Variants in SUSD1 observed in about 807,000 individuals in gnomAD.
The protein encoded by SUSD1 is sushi domain containing 1.
A neutral mutation model predicts 86.9 loss-of-function variants in SUSD1; 65 were observed. The observed-to-expected ratio is 0.75, with a 90% CI of 0.61 to 0.92. The LOEUF (loss-of-function observed/expected upper bound fraction) is 0.92. Among genes scored for constraint, SUSD1 ranks in the 40% least tolerant of loss-of-function variants. SUSD1 has a pLI of 0.00. For missense variants in SUSD1, 850 were observed against 929.7 expected (o/e 0.91, Z 1.11); for synonymous variants, 346 against 350.0 (o/e 0.99, Z 0.13).
intron 12 of SUSD1, 57 bp downstream of exon 12, chr9:112,078,481 C>A (rs1048398717): frequency 1.3e-6 from 2 of 1,510,780 alleles, no homozygotes; most frequent in African/African-American, 2.8e-5. Flanking sequence ...TTTATCAGGA[C>A]CTATGAACAA....
At chr9:112,071,273 G>A (rs1037684725) in intron 12 of SUSD1, among the ~76,000 whole-genome samples, 15 of 152,070 alleles carry the variant, frequency 9.9e-5, no homozygotes, top group African/African-American at 3.6e-4. Flanking sequence ...ACCAGCCTGG[G>A]CAACATAGTA....
intron 2 of SUSD1, among the ~76,000 whole-genome samples, chr9:112,155,205 C>T (rs969909707): frequency 1.3e-5 from 2 of 150,966 alleles, no homozygotes; most frequent in Admixed American, 6.6e-5. Context: ...AAGCCAAGAT[C>T]GCACCACCGC....
intron 3 of SUSD1, among the ~76,000 whole-genome samples, chr9:112,145,262 G>C (rs1832758710): frequency 6.8e-6 from 1 of 146,814 alleles, no homozygotes; most frequent in South Asian, 2.1e-4. Context: ...CAAAAAGCTA[G>C]TAATACCATA....
At position 112,140,219 on chromosome 9, in the gene SUSD1, G is replaced by A. The variant is rs529163697; in HGVS notation, c.706+2101C>T. The stretch of plus-strand genomic sequence containing the variant: ...CTACCAAAAATACAAAAAATTAGCC[G>A]GGCGCGGTGGCGGGCGCCTGTAGTC... On this transcript the variant is annotated intron_variant, in intron 5 of 16. Coordinates refer to ENST00000374270, the MANE Select transcript of SUSD1 (RefSeq NM_022486.5). Among the ~76,000 whole-genome samples the A allele has an allele frequency of 4.7e-5, 6 of 128,520 alleles. 2 individuals are homozygous for A. Among genetic ancestry groups the A allele is most frequent in the Non-Finnish European group, 9.5e-5 (6 of 63,230 alleles). 84.3% of individuals were successfully genotyped at this position (128,520 alleles called of 152,430 possible).
At chr9:112,130,457 G>GAGAGGAGAGGC (rs1331396523) in intron 5 of SUSD1, among the ~76,000 whole-genome samples, 6 of 150,018 alleles carry the variant, frequency 4.0e-5, no homozygotes. Context: ...AAAGGAGAGG[G>GAGAGGAGAGGC]AGAGGAGAGG....
intron 12 of SUSD1, among the ~76,000 whole-genome samples, chr9:112,066,461 C>T (rs531972282): frequency 2.0e-5 from 3 of 152,260 alleles, no homozygotes; most frequent in South Asian, 4.1e-4. Context: ...TTCCTTACAG[C>T]ACAGAGAGTG....
intron 1 of SUSD1, among the ~76,000 whole-genome samples, chr9:112,171,694 C>T (rs1004766644): frequency 6.6e-6 from 1 of 152,068 alleles, no homozygotes; most frequent in African/African-American, 2.4e-5. Context: ...TAACCTCCCC[C>T]ACTTATAGCC....
chr9:112,155,845 GAAGAGGAAGAAGAAT>G (rs1029480971), intron 2 of SUSD1, among the ~76,000 whole-genome samples: 1 of 150,754 alleles, frequency 6.6e-6, no homozygotes, highest in African/African-American at 2.4e-5. Flanking sequence ...GAATGAAGAA[GAAGAGGAAGAAGAAT>G]AAGAGGAAGA....
At chr9:112,120,676 T>C (rs1831516011) in intron 6 of SUSD1, among the ~76,000 whole-genome samples, 1 of 152,214 alleles carries the variant, frequency 6.6e-6, no homozygotes, top group Non-Finnish European at 1.5e-5. Context: ...CCACAGACTT[T>C]GTGAAAGGTA....
intron 1 of SUSD1, among the ~76,000 whole-genome samples, chr9:112,172,158 G>A (rs1028334887): frequency 4.7e-5 from 7 of 150,160 alleles, no homozygotes; most frequent in African/African-American, 1.7e-4. Flanking sequence ...TCATGTCACC[G>A]CACTCCATCC....
intron 2 of SUSD1, among the ~76,000 whole-genome samples, chr9:112,152,751 CTTT>C (rs71382410): frequency 2.3e-5 from 2 of 87,476 alleles, no homozygotes; most frequent in Admixed American, 1.6e-4. Context: ...TTTTTTTAAT[CTTT>C]TTTTTTTTTT....
At chr9:112,112,165 G>C (rs1831127452) in intron 7 of SUSD1, 1 of 229,734 alleles carries the variant, frequency 4.4e-6, no homozygotes, top group Non-Finnish European at 8.4e-6. Context: ...CTGGGGGAGT[G>C]AAATACAAGT....
At chr9:112,069,274 C>A (rs1245798345) in intron 12 of SUSD1, among the ~76,000 whole-genome samples, 1 of 152,148 alleles carries the variant, frequency 6.6e-6, no homozygotes, top group Admixed American at 6.5e-5. Context: ...CAATATAGAT[C>A]ATGTTTTTCC....
intron 12 of SUSD1, among the ~76,000 whole-genome samples, chr9:112,069,616 G>A (rs28655161): frequency 0.18 from 27,109 of 151,184 alleles, 6,439 homozygotes; most frequent in African/African-American, 0.55. Context: ...TTTATTACGT[G>A]TCTCCTCTTC....
intron 2 of SUSD1, among the ~76,000 whole-genome samples, chr9:112,153,612 C>CTTT (rs373913503): frequency 1.5e-5 from 2 of 130,620 alleles, no homozygotes; most frequent in South Asian, 2.4e-4. Flanking sequence ...ACATACTATA[C>CTTT]TTTTTTTTTT....
chr9:112,107,374 G>A (rs911682892), intron 8 of SUSD1, among the ~76,000 whole-genome samples: 15 of 151,850 alleles, frequency 9.9e-5, no homozygotes, highest in East Asian at 7.7e-4. Context: ...GCTTAAAACC[G>A]GGAGGCCAAG....
At chr9:112,051,382 T>C (rs911913831) in intron 15 of SUSD1, among the ~76,000 whole-genome samples, 1 of 151,876 alleles carries the variant, frequency 6.6e-6, no homozygotes, top group South Asian at 2.1e-4. Context: ...TAGTTCCATT[T>C]TGTTAAGGGA....
At chr9:112,101,030 T>C (rs1402474086) in intron 9 of SUSD1, among the ~76,000 whole-genome samples, 2 of 152,058 alleles carry the variant, frequency 1.3e-5, no homozygotes, top group African/African-American at 2.4e-5. Context: ...AACTTCCAAG[T>C]CCTAATATGT....
At chr9:112,076,093 T>C (rs758359225) in intron 12 of SUSD1, among the ~76,000 whole-genome samples, 1 of 152,184 alleles carries the variant, frequency 6.6e-6, no homozygotes, top group Middle Eastern at 3.2e-3. Context: ...CTAACTTTAA[T>C]GGAAACTCAC....
Sources: allele counts gnomAD v4.1 joint callset (sites outside exome capture counted in the v4.1 genomes callset), GRCh38; gene constraint gnomAD v4.1.1; transcripts MANE v1.5; gene names NCBI Gene and HGNC (gene_info 2026-07-23, HGNC 2026-07-21).